Variants in BMERB1 observed in about 807,000 individuals in gnomAD.
BMERB1 encodes bMERB domain containing 1.
BMERB1 carries 12 observed loss-of-function variants against 23.6 expected under a neutral mutation model. The ratio of observed to expected loss-of-function variants is 0.51; its 90% CI spans 0.33 to 0.82. The LOEUF (loss-of-function observed/expected upper bound fraction) is 0.82. Among genes scored for constraint, BMERB1 ranks in the 40% least tolerant of loss-of-function variants. The pLI is 0.03. For synonymous variants in BMERB1, 122 were observed against 96.6 expected, an observed-to-expected ratio of 1.26 and a Z score of -1.54; for missense variants, 247 against 255.4, an observed-to-expected ratio of 0.97 and a Z score of 0.22.
At chr16:15,444,175 A>ATGGATCC (rs2150921803) in intron 1 of BMERB1, among the ~76,000 whole-genome samples, 1 of 87,396 alleles carries the variant, frequency 1.1e-5, no homozygotes, top group East Asian at 4.7e-4. Context: ...CCTTGGCTTA[A>ATGGATCC]TGGATCCTGG....
chr16:15,500,030 A>AG (rs539633909), intron 1 of BMERB1, among the ~76,000 whole-genome samples: 6 of 152,176 alleles, frequency 3.9e-5, no homozygotes, highest in Admixed American at 1.3e-4. Flanking sequence ...AAATTGAGTG[A>AG]GGGGGGTAGA....
intron 2 of BMERB1, among the ~76,000 whole-genome samples, chr16:15,516,617 G>A (rs911288885): frequency 1.9e-4 from 1 of 5,190 alleles, no homozygotes; most frequent in African/African-American, 9.5e-4. Flanking sequence ...ACCCTCCACT[G>A]GAAGCAGCAG....
intron 1 of BMERB1, among the ~76,000 whole-genome samples, chr16:15,504,006 A>G (rs978855217): frequency 8.5e-5 from 13 of 152,214 alleles, no homozygotes; most frequent in African/African-American, 3.1e-4. Flanking sequence ...AAATGTATAT[A>G]AGAGCAAACA....
chr16:15,585,951 AAACT>A (rs781478478), intron 5 of BMERB1, among the ~76,000 whole-genome samples: 2 of 152,234 alleles, frequency 1.3e-5, no homozygotes, highest in Non-Finnish European at 2.9e-5. Context: ...AAAGGAAAAT[AAACT>A]AAGTACTTTT....
At chr16:15,481,940 A>C (rs934250703) in intron 1 of BMERB1, among the ~76,000 whole-genome samples, 1 of 151,746 alleles carries the variant, frequency 6.6e-6, no homozygotes, top group African/African-American at 2.4e-5. Flanking sequence ...TACGTTGACT[A>C]GCCTGGTCTT....
intron 1 of BMERB1, among the ~76,000 whole-genome samples, chr16:15,512,012 CAA>C (rs57021793): frequency 9.8e-5 from 6 of 61,130 alleles, no homozygotes; most frequent in Admixed American, 3.2e-4. Context: ...GACTTGCTCT[CAA>C]AAAAAAAAAA....
intron 1 of BMERB1, among the ~76,000 whole-genome samples, chr16:15,443,035 A>C (rs1415676116): frequency 6.6e-6 from 1 of 151,632 alleles, no homozygotes; most frequent in Non-Finnish European, 1.5e-5. Flanking sequence ...ATCACTTAAC[A>C]TCAGGAGTTC....
At chr16:15,531,397 A>C (rs188534347) in intron 2 of BMERB1, among the ~76,000 whole-genome samples, 2 of 152,212 alleles carry the variant, frequency 1.3e-5, no homozygotes, top group African/African-American at 4.8e-5. Context: ...CCTGGCCCAA[A>C]ATCCCTTTTG....
chr16:15,437,793 C>T (rs1466797637), intron 1 of BMERB1, among the ~76,000 whole-genome samples: 1 of 151,978 alleles, frequency 6.6e-6, no homozygotes, highest in Non-Finnish European at 1.5e-5. Context: ...CCCATCTATA[C>T]TAGAAATACA....
intron 2 of BMERB1, among the ~76,000 whole-genome samples, chr16:15,567,592 A>C (rs893321409): frequency 6.6e-6 from 1 of 152,128 alleles, no homozygotes; most frequent in African/African-American, 2.4e-5. Context: ...TACTAAAAAT[A>C]CTACTAAAAA....
intron 2 of BMERB1, among the ~76,000 whole-genome samples, chr16:15,532,534 TTTTC>T (rs1439312496): frequency 7.5e-6 from 1 of 133,552 alleles, no homozygotes; most frequent in Non-Finnish European, 1.6e-5. Flanking sequence ...GGCCTTTTTT[TTTTC>T]TTTTTCTTTT....
At chr16:15,535,745 C>T (rs183613281) in intron 2 of BMERB1, among the ~76,000 whole-genome samples, 2 of 150,854 alleles carry the variant, frequency 1.3e-5, no homozygotes, top group Non-Finnish European at 2.9e-5. Context: ...CATTTTCACA[C>T]TGGAAAAAAA....
chr16:15,483,218 G>T (rs1192687468), intron 1 of BMERB1, among the ~76,000 whole-genome samples: 2 of 152,068 alleles, frequency 1.3e-5, no homozygotes, highest in African/African-American at 4.8e-5. Context: ...TGTTATAAAG[G>T]TTGCTGTTGT....
At chr16:15,530,903 C>CTTT (rs1220558728) in intron 2 of BMERB1, among the ~76,000 whole-genome samples, 105 of 109,204 alleles carry the variant, frequency 9.6e-4, no homozygotes, top group East Asian at 1.1e-3. Flanking sequence ...TTTCTTCTTT[C>CTTT]TTTTTTTTTT....
chr16:15,583,406 C>T (rs754168837), intron 5 of BMERB1, among the ~76,000 whole-genome samples, 168 bp downstream of exon 5: 5 of 151,812 alleles, frequency 3.3e-5, no homozygotes, highest in Non-Finnish European at 7.4e-5. Flanking sequence ...GGTGAAACCC[C>T]GTATCTACCA....
chr16:15,439,001 A>G (rs1039917749), intron 1 of BMERB1, among the ~76,000 whole-genome samples: 8 of 152,210 alleles, frequency 5.3e-5, no homozygotes, highest in Non-Finnish European at 1.2e-4. Flanking sequence ...GCTCTGTTTA[A>G]CTTCCACACA....
intron 2 of BMERB1, among the ~76,000 whole-genome samples, chr16:15,566,640 T>C (rs1475290593): frequency 6.6e-6 from 1 of 152,022 alleles, no homozygotes; most frequent in Non-Finnish European, 1.5e-5. Flanking sequence ...CACTCCAGCC[T>C]GGGTGATACA....
At chr16:15,476,369 G>A (rs560977648) in intron 1 of BMERB1, among the ~76,000 whole-genome samples, 1 of 152,180 alleles carries the variant, frequency 6.6e-6, no homozygotes, top group South Asian at 2.1e-4. Flanking sequence ...CACCATGTTG[G>A]CCAGGCTGGT....
chr16:15,474,519 G>T (rs1021623973), intron 1 of BMERB1, among the ~76,000 whole-genome samples: 1 of 151,736 alleles, frequency 6.6e-6, no homozygotes, highest in Non-Finnish European at 1.5e-5. Context: ...ACAGGCATGT[G>T]CCACCACACT....
Sources: allele counts gnomAD v4.1 joint callset (sites outside exome capture counted in the v4.1 genomes callset), GRCh38; gene constraint gnomAD v4.1.1; transcripts MANE v1.5; gene names NCBI Gene and HGNC (gene_info 2026-07-23, HGNC 2026-07-21).